Variants in SMAP1 observed in about 807,000 individuals in gnomAD.
SMAP1 encodes small ArfGAP 1.
Under a neutral mutation model 58.5 loss-of-function variants are expected in SMAP1, and 24 were observed. That is an observed-to-expected ratio of 0.41 (90% CI 0.30 to 0.58). The LOEUF (loss-of-function observed/expected upper bound fraction) is 0.58, where lower values mean the gene tolerates loss of function less well. Among genes scored for constraint, SMAP1 ranks in the 20% least tolerant of loss-of-function variants. The probability of loss-of-function intolerance (pLI) is 0.29; values close to 1 mark genes in which losing one functional copy is unlikely to be tolerated. For missense variants in SMAP1, 563 were observed against 566.3 expected (o/e 0.99, Z 0.06); for synonymous variants, 216 against 196.6 (o/e 1.10, Z -0.82).
intron 8 of SMAP1, 111 bp downstream of exon 8, chr6:70,852,775 C>CG: frequency 7.9e-7 from 1 of 1,258,238 alleles, no homozygotes; most frequent in Non-Finnish European, 1.1e-6. Context: ...ATTTAAAAGT[C>CG]TCCTGTTCTT....
At chr6:70,804,242 G>A (rs878914082) in intron 6 of SMAP1, among the ~76,000 whole-genome samples, 1 of 151,544 alleles carries the variant, frequency 6.6e-6, no homozygotes, top group Admixed American at 6.6e-5. Context: ...TTATGTAATG[G>A]CTTTCTTTGT....
At chr6:70,729,574 A>G (rs188897043) in intron 1 of SMAP1, among the ~76,000 whole-genome samples, 59 of 151,478 alleles carry the variant, frequency 3.9e-4, no homozygotes, top group Admixed American at 2.0e-3. Context: ...GTGTATCACT[A>G]TCATTTAAAG....
rs924999171 is a variant in SMAP1 at position 70,852,159 on chromosome 6, G to A, written c.665-381G>A. Among the ~76,000 whole-genome samples the A allele has an allele frequency of 2.6e-5, 4 of 152,072 alleles. No homozygotes were observed. In the South Asian group the frequency reaches 8.3e-4, roughly 31 times the overall value. ...CTCAAAAGTAGTTTTTACCTCATAA[G>A]GTTATGAGGATTAAATGAGTTGATA... On this transcript the variant is annotated intron_variant, in intron 7 of 10. Coordinates refer to ENST00000370455, the MANE Select transcript of SMAP1 (RefSeq NM_001044305.3).
At chr6:70,845,789 A>T (rs2150004980) in intron 7 of SMAP1, among the ~76,000 whole-genome samples, 1 of 152,356 alleles carries the variant, frequency 6.6e-6, no homozygotes, top group African/African-American at 2.4e-5. Flanking sequence ...CAGGTAGAAT[A>T]GTCCTGGGAG....
intron 5 of SMAP1, among the ~76,000 whole-genome samples, chr6:70,793,959 C>G (rs1030597782): frequency 6.6e-6 from 1 of 151,990 alleles, no homozygotes; most frequent in Non-Finnish European, 1.5e-5. Context: ...TCTCGAACTC[C>G]CGACCTCAGG....
At chr6:70,783,285 A>AC (rs1293086627) in intron 4 of SMAP1, among the ~76,000 whole-genome samples, 2 of 152,192 alleles carry the variant, frequency 1.3e-5, no homozygotes, top group African/African-American at 4.8e-5. Context: ...GGACATCCAC[A>AC]CCAGAAACCC....
intron 1 of SMAP1, among the ~76,000 whole-genome samples, chr6:70,698,893 T>G (rs1278759780): frequency 2.0e-5 from 3 of 152,246 alleles, no homozygotes; most frequent in Non-Finnish European, 4.4e-5. Flanking sequence ...TGATCATTTG[T>G]GCCTTATTTA....
chr6:70,755,431 G>A (rs1265724839), intron 3 of SMAP1, among the ~76,000 whole-genome samples: 1 of 151,956 alleles, frequency 6.6e-6, no homozygotes, highest in African/African-American at 2.4e-5. Flanking sequence ...TTCACATTCA[G>A]TACAGTATTC....
chr6:70,814,297 G>T (rs1253808652), intron 6 of SMAP1, among the ~76,000 whole-genome samples: 1 of 152,108 alleles, frequency 6.6e-6, no homozygotes, highest in Non-Finnish European at 1.5e-5. Context: ...TTGAGATATT[G>T]CATCAAAAGT....
At chr6:70,694,527 A>G (rs1341296580) in intron 1 of SMAP1, 1 of 153,040 alleles carries the variant, frequency 6.5e-6, no homozygotes, top group African/African-American at 2.4e-5. Flanking sequence ...TTGAAAAGCA[A>G]GGAGACATAA....
chr6:70,737,802 A>G (rs1167472093), intron 2 of SMAP1, among the ~76,000 whole-genome samples: 1 of 152,096 alleles, frequency 6.6e-6, no homozygotes, highest in Non-Finnish European at 1.5e-5. Context: ...AAAAAGAATC[A>G]TGCACTCCCC....
At chr6:70,684,682 T>G (rs1766860436) in intron 1 of SMAP1, among the ~76,000 whole-genome samples, 1 of 150,666 alleles carries the variant, frequency 6.6e-6, no homozygotes, top group African/African-American at 2.5e-5. Flanking sequence ...AGTTTTTCAG[T>G]GTCCTTATGA....
intron 3 of SMAP1, among the ~76,000 whole-genome samples, chr6:70,766,461 CATT>C (rs1766991397): frequency 6.6e-6 from 1 of 152,168 alleles, no homozygotes; most frequent in Admixed American, 6.5e-5. Flanking sequence ...GATGGTATCT[CATT>C]GTGGTTTTGA....
chr6:70,848,032 A>G (rs768002794), intron 7 of SMAP1, among the ~76,000 whole-genome samples: 3 of 152,238 alleles, frequency 2.0e-5, no homozygotes, highest in South Asian at 4.1e-4. Context: ...TCTAAATGTT[A>G]AAGTTATTTA....
At chr6:70,769,537 G>C (rs1767173097) in intron 3 of SMAP1, among the ~76,000 whole-genome samples, 2 of 152,194 alleles carry the variant, frequency 1.3e-5, no homozygotes, top group South Asian at 2.1e-4. Context: ...GATCTGTGTT[G>C]GTTTGAAGTC....
Position 70,726,930 on chromosome 6 carries a change from C to T in SMAP1, c.119-5448C>T, listed in dbSNP as rs963484945. On this transcript the variant is annotated intron_variant, in intron 1 of 10. Transcript: ENST00000370455. ...GTGTGTGTGTAGAAATTTAAATTAG[C>T]ATTTAAATAAAAAGCTTAGCAGTCA... 7.5e-5 allele frequency among the ~76,000 whole-genome samples: 11 copies of T among 146,300 alleles called. 1 individual carries two copies. The highest frequency in any genetic ancestry group is 1.4e-4 in the Non-Finnish European group (9 of 66,624).
At chr6:70,764,616 C>T (rs73498491) in intron 3 of SMAP1, among the ~76,000 whole-genome samples, 184 of 152,300 alleles carry the variant, frequency 1.2e-3, no homozygotes, top group African/African-American at 4.4e-3. Flanking sequence ...TTACTGAATA[C>T]ATTAAGTCCA....
intron 1 of SMAP1, among the ~76,000 whole-genome samples, chr6:70,697,792 A>T (rs1767470930): frequency 6.6e-6 from 1 of 152,196 alleles, no homozygotes; most frequent in Admixed American, 6.6e-5. Flanking sequence ...AGAGAAAACT[A>T]ATAAAACCTC....
At chr6:70,684,393 A>AT (rs1449428116) in intron 1 of SMAP1, among the ~76,000 whole-genome samples, 4 of 152,306 alleles carry the variant, frequency 2.6e-5, no homozygotes, top group Non-Finnish European at 4.4e-5. Context: ...TTTTAAGCTG[A>AT]TTTTTTTAAG....
Sources: allele counts gnomAD v4.1 joint callset (sites outside exome capture counted in the v4.1 genomes callset), GRCh38; gene constraint gnomAD v4.1.1; transcripts MANE v1.5; gene names NCBI Gene and HGNC (gene_info 2026-07-23, HGNC 2026-07-21).